Variants in KCNH7 observed in about 807,000 individuals in gnomAD.
KCNH7 encodes the protein voltage-gated inwardly rectifying potassium channel KCNH7.
Under a neutral mutation model 120.8 loss-of-function variants are expected in KCNH7, and 49 were observed. The observed-to-expected ratio is 0.41, with a 90% confidence interval of 0.32 to 0.51. The LOEUF is 0.51. Ranked by LOEUF, KCNH7 falls within the 20% of genes least tolerant of loss-of-function variation. The pLI is 0.38. For missense variants in KCNH7, 1,097 were observed against 1,446.6 expected (o/e 0.76, Z 3.92); for synonymous variants, 547 against 516.1 (o/e 1.06, Z -0.81).
chr2:162,788,682 A>G, intron 2 of KCNH7, among the ~76,000 whole-genome samples: 1 of 151,830 alleles, frequency 6.6e-6, no homozygotes, highest in East Asian at 1.9e-4. Context: ...GAAACAAACT[A>G]AAAAAAAGAA....
At chr2:162,451,987 G>T (rs1433488773) in intron 6 of KCNH7, among the ~76,000 whole-genome samples, 1 of 152,044 alleles carries the variant, frequency 6.6e-6, no homozygotes, top group Admixed American at 6.6e-5. Flanking sequence ...GGGTTATCTT[G>T]GAGACAAACT....
chr2:162,441,374 G>T (rs1315478508), intron 7 of KCNH7, among the ~76,000 whole-genome samples: 1 of 152,086 alleles, frequency 6.6e-6, no homozygotes, highest in Non-Finnish European at 1.5e-5. Context: ...TCATCTATCA[G>T]ACTAATAAAT....
chr2:162,694,887 G>A (rs939035425), intron 2 of KCNH7, among the ~76,000 whole-genome samples: 2 of 151,956 alleles, frequency 1.3e-5, no homozygotes, highest in Non-Finnish European at 2.9e-5. Flanking sequence ...GGGACCACAG[G>A]CATCTGCCAC....
intron 6 of KCNH7, among the ~76,000 whole-genome samples, chr2:162,475,314 C>A (rs547103470): frequency 7.7e-4 from 117 of 152,272 alleles, no homozygotes; most frequent in African/African-American, 2.4e-3. Flanking sequence ...AATTGCCTCA[C>A]AATAATAATC....
intron 2 of KCNH7, among the ~76,000 whole-genome samples, chr2:162,798,902 T>C (rs1379685145): frequency 6.6e-6 from 1 of 151,852 alleles, no homozygotes; most frequent in Non-Finnish European, 1.5e-5. Flanking sequence ...AGATAGACAA[T>C]AAAAAGCAAT....
intron 2 of KCNH7, among the ~76,000 whole-genome samples, chr2:162,728,109 A>G (rs2105386052): frequency 6.6e-6 from 1 of 151,910 alleles, no homozygotes; most frequent in African/African-American, 2.4e-5. Context: ...TTCCATTTTC[A>G]TCAGCAGTAT....
chr2:162,463,436 T>C (rs1216969657), intron 6 of KCNH7, among the ~76,000 whole-genome samples: 3 of 151,868 alleles, frequency 2.0e-5, no homozygotes, highest in Non-Finnish European at 4.4e-5. Context: ...TTCATCTCTA[T>C]GAAAAGAGGA....
intron 6 of KCNH7, chr2:162,502,268 C>A (rs1326924808): frequency 6.6e-6 from 1 of 151,942 alleles, no homozygotes; most frequent in African/African-American, 2.4e-5. Flanking sequence ...TCTACTAAGG[C>A]CCTCGTGATG....
intron 2 of KCNH7, among the ~76,000 whole-genome samples, chr2:162,764,227 G>A (rs927928105): frequency 6.6e-6 from 1 of 152,080 alleles, no homozygotes; most frequent in Non-Finnish European, 1.5e-5. Context: ...TGATGTCTCT[G>A]AAAGTTTCAT....
At chr2:162,591,324 C>G (rs1694210190) in intron 2 of KCNH7, among the ~76,000 whole-genome samples, 1 of 151,940 alleles carries the variant, frequency 6.6e-6, no homozygotes. Flanking sequence ...ACATTTTTCT[C>G]CTCAGCGCTT....
chr2:162,479,375 T>C (rs1166229601), intron 6 of KCNH7, among the ~76,000 whole-genome samples: 2 of 152,154 alleles, frequency 1.3e-5, no homozygotes, highest in Non-Finnish European at 2.9e-5. Flanking sequence ...GCTTGTGAAC[T>C]TTATATATTC....
chr2:162,632,721 T>C (rs748156240), intron 2 of KCNH7, among the ~76,000 whole-genome samples: 5 of 151,800 alleles, frequency 3.3e-5, no homozygotes, highest in Admixed American at 6.6e-5. Flanking sequence ...TAAGCTTTAT[T>C]TAAAAACCTG....
At chr2:162,806,574 C>T (rs182635765) in intron 2 of KCNH7, among the ~76,000 whole-genome samples, 116 of 152,156 alleles carry the variant, frequency 7.6e-4, no homozygotes, top group African/African-American at 2.6e-3. Flanking sequence ...GCCTTCTAGC[C>T]CTCAAATTCT....
chr2:162,418,432 A>G (rs1687601815), intron 9 of KCNH7, among the ~76,000 whole-genome samples: 1 of 152,200 alleles, frequency 6.6e-6, no homozygotes, highest in South Asian at 2.1e-4. Flanking sequence ...TGAAAGCTAT[A>G]CAGTGAAGGC....
intron 2 of KCNH7, among the ~76,000 whole-genome samples, chr2:162,722,097 T>C (rs1687340418): frequency 6.6e-6 from 1 of 151,942 alleles, no homozygotes; most frequent in South Asian, 2.1e-4. Flanking sequence ...TCAATACCAC[T>C]AAGGGAACAT....
chr2:162,752,643 A>G (rs1688593860), intron 2 of KCNH7, among the ~76,000 whole-genome samples: 1 of 151,968 alleles, frequency 6.6e-6, no homozygotes, highest in Non-Finnish European at 1.5e-5. Flanking sequence ...TCACGTCTGT[A>G]ATCCCAGCAC....
At chr2:162,741,496 C>T (rs143302232) in intron 2 of KCNH7, among the ~76,000 whole-genome samples, 1 of 151,906 alleles carries the variant, frequency 6.6e-6, no homozygotes, top group African/African-American at 2.4e-5. Flanking sequence ...TTTGATGTTA[C>T]ATGCTATGTG....
chr2:162,666,766 T>C (rs1304546947), intron 2 of KCNH7, among the ~76,000 whole-genome samples: 1 of 152,200 alleles, frequency 6.6e-6, no homozygotes, highest in East Asian at 1.9e-4. Flanking sequence ...TTATGGATGA[T>C]GTCAGCAACA....
At chr2:162,611,418 A>C (rs1682958439) in intron 2 of KCNH7, among the ~76,000 whole-genome samples, 1 of 152,186 alleles carries the variant, frequency 6.6e-6, no homozygotes. Flanking sequence ...AGTTTGTGTG[A>C]GATACACTCT....
Sources: gnomAD v4.1 joint callset for allele counts (sites outside exome capture counted in the v4.1 genomes callset) on GRCh38, gnomAD v4.1.1 for gene constraint, MANE v1.5 for transcripts, NCBI Gene and HGNC (gene_info 2026-07-23, HGNC 2026-07-21) for gene names.